FANCC: variants seen among roughly 807,000 people sequenced by gnomAD.
FANCC encodes Fanconi anemia group C protein.
In FANCC, 55 loss-of-function variants were observed where a neutral mutation model predicts 71.3. The observed-to-expected ratio is 0.77, with a 90% CI of 0.62 to 0.97. The LOEUF (loss-of-function observed/expected upper bound fraction) is 0.97, where lower values mean the gene tolerates loss of function less well. FANCC is among the 50% of genes least tolerant of loss of function. The pLI, the probability that FANCC is intolerant of heterozygous loss-of-function variation, is 0.00. For missense variants in FANCC, 678 were observed against 670.9 expected (o/e 1.01, Z -0.12); for synonymous variants, 275 against 244.9 (o/e 1.12, Z -1.15).
chr9:95,252,858 G>A (rs2136122452), intron 1 of FANCC, among the ~76,000 whole-genome samples: 1 of 150,602 alleles, frequency 6.6e-6, no homozygotes, highest in South Asian at 2.1e-4. Context: ...AGACCAGCCT[G>A]GGCAACATAC....
chr9:95,107,432 A>T, intron 13 of FANCC, 163 bp from the exon 14 acceptor site: 1 of 733,624 alleles, frequency 1.4e-6, no homozygotes, highest in South Asian at 1.6e-5. Flanking sequence ...TTTCACACAA[A>T]CCCAAATGGG....
chr9:95,249,108 A>T lies in FANCC; in HGVS notation c.165+19T>A. 1 of 1,612,744 alleles carries T rather than the reference A, an allele frequency of 6.2e-7. No individual in the cohort carries two copies. On this transcript the variant is annotated intron_variant, in intron 2 of 14. Coordinates refer to ENST00000289081, the MANE Select transcript of FANCC (RefSeq NM_000136.3). Reference sequence around the variant, plus strand: ...CCTGAAGTCAGAAAATAATTTCATTATTCTGGTCCACTACTTACCATCTCT... The same window carrying T: ...CCTGAAGTCAGAAAATAATTTCATTTTTCTGGTCCACTACTTACCATCTCT...
intron 4 of FANCC, among the ~76,000 whole-genome samples, chr9:95,184,195 T>C (rs1826565739): frequency 6.6e-6 from 1 of 152,190 alleles, no homozygotes; most frequent in Admixed American, 6.5e-5. Context: ...TATGGCATTA[T>C]ATGTAAACAT....
chr9:95,315,903 A>T (rs150542319), intron 1 of FANCC, among the ~76,000 whole-genome samples: 3 of 152,356 alleles, frequency 2.0e-5, no homozygotes, highest in Admixed American at 2.0e-4. Flanking sequence ...GGAACTGGTT[A>T]AAAGTACCAT....
Position 95,298,296 on chromosome 9 carries a change from A to G in FANCC, c.-79+19230T>C, listed in dbSNP as rs146280385. Among the ~76,000 whole-genome samples the G allele has an allele frequency of 2.7e-3, 405 of 152,324 alleles. 2 individuals carry two copies. The highest frequency in any genetic ancestry group is 9.1e-3 in the African/African-American group (378 of 41,570). Reference sequence around the variant, plus strand: ...ATTAGAGAACTAGATGTGTTATGCCACCATACACTGAAAGGGGCAACAAAG... The same window carrying G: ...ATTAGAGAACTAGATGTGTTATGCCGCCATACACTGAAAGGGGCAACAAAG... On this transcript the variant is annotated intron_variant, in intron 1 of 14. Coordinates refer to ENST00000289081, the MANE Select transcript of FANCC (RefSeq NM_000136.3).
chr9:95,103,585 G>A (rs942137482), intron 14 of FANCC, among the ~76,000 whole-genome samples: 2 of 152,216 alleles, frequency 1.3e-5, no homozygotes, highest in African/African-American at 2.4e-5. Context: ...GCAAGTGGAC[G>A]GCTGGGGCAA....
intron 2 of FANCC, among the ~76,000 whole-genome samples, chr9:95,248,369 AC>A (rs1387151688): frequency 1.3e-5 from 2 of 152,210 alleles, no homozygotes; most frequent in Non-Finnish European, 2.9e-5. Context: ...CATTAAAAAA[AC>A]AATTCTAAAA....
chr9:95,278,245 A>G (rs908650293), intron 1 of FANCC, among the ~76,000 whole-genome samples: 4 of 152,210 alleles, frequency 2.6e-5, no homozygotes, highest in African/African-American at 9.6e-5. Flanking sequence ...AAGGAAGAGA[A>G]GGGAATAAAG....
chr9:95,300,882 G>A (rs528144824), intron 1 of FANCC, among the ~76,000 whole-genome samples: 3 of 152,224 alleles, frequency 2.0e-5, no homozygotes, highest in Middle Eastern at 3.4e-3. Flanking sequence ...AGATAACTCC[G>A]CAGCAGGCCA....
At chr9:95,120,508 G>T (rs1390888678) in intron 10 of FANCC, among the ~76,000 whole-genome samples, 1 of 151,664 alleles carries the variant, frequency 6.6e-6, no homozygotes, top group African/African-American at 2.4e-5. Flanking sequence ...TCCACGTTCT[G>T]GGCTCAAGCA....
intron 4 of FANCC, among the ~76,000 whole-genome samples, chr9:95,204,825 A>C (rs1828018109): frequency 6.6e-6 from 1 of 152,164 alleles, no homozygotes. Flanking sequence ...CTGGAGTTCC[A>C]ATCTCCTCTG....
At chr9:95,179,964 G>A (rs1447685472) in intron 4 of FANCC, among the ~76,000 whole-genome samples, 2 of 152,218 alleles carry the variant, frequency 1.3e-5, no homozygotes, top group Non-Finnish European at 2.9e-5. Flanking sequence ...CTTTGGAGAG[G>A]AAGAAGGAAG....
chr9:95,217,485 AAAAAAACAAAC>A (rs1423844025), intron 4 of FANCC, among the ~76,000 whole-genome samples: 3 of 152,164 alleles, frequency 2.0e-5, no homozygotes, highest in African/African-American at 7.2e-5. Flanking sequence ...CCATCTCAAA[AAAAAAACAAAC>A]AAAAAACACA....
At chr9:95,186,880 C>T (rs1322914317) in intron 4 of FANCC, among the ~76,000 whole-genome samples, 3 of 151,500 alleles carry the variant, frequency 2.0e-5, no homozygotes, top group Non-Finnish European at 4.4e-5. Flanking sequence ...CAACCTCTGC[C>T]TCCCGGGTTC....
chr9:95,216,355 C>A (rs1390588957), intron 4 of FANCC, among the ~76,000 whole-genome samples: 3 of 152,098 alleles, frequency 2.0e-5, no homozygotes, highest in African/African-American at 7.2e-5. Flanking sequence ...CAAAAAATGA[C>A]AGAATTGAAA....
At chr9:95,315,005 T>G (rs1347907340) in intron 1 of FANCC, among the ~76,000 whole-genome samples, 1 of 152,158 alleles carries the variant, frequency 6.6e-6, no homozygotes, top group East Asian at 1.9e-4. Flanking sequence ...CCAAAACAAT[T>G]TTGAAAATGA....
At chr9:95,188,009 A>T (rs1411165768) in intron 4 of FANCC, among the ~76,000 whole-genome samples, 1 of 152,204 alleles carries the variant, frequency 6.6e-6, no homozygotes, top group Non-Finnish European at 1.5e-5. Flanking sequence ...CTTCATGTAA[A>T]TCGCCCGGCT....
At position 95,240,644 on chromosome 9, in the gene FANCC, C is replaced by T. The variant is rs781056477; in HGVS notation, c.345+5G>A. ...AGAAGTGCAGAGCAAGATTTACTCT[C>T]TTACCTGTATCCAGGAGTTAAGTTT... On this transcript the variant is annotated splice_donor_5th_base_variant and intron_variant, in intron 4 of 14. Transcript: ENST00000289081. 1.3e-6 allele frequency: 2 copies of T among 1,594,482 alleles called. No individual in the cohort carries two copies. The highest frequency in any genetic ancestry group is 1.7e-6 in the Non-Finnish European group (2 of 1,162,270).
In FANCC at chr9:95,135,397, A is replaced by C. The variant is rs730881717; in HGVS notation, c.792T>G (p.Ser264Arg). ...MLHLFEKLIS[S>R]ERNCLRRIEC... The stretch of plus-strand genomic sequence containing the variant: ...CGATCCTTCTCAGACAATTTCTCTC[A>C]CTGGAGATTAGCTTTTCAAAAAGAT... Residue 264 changes from serine to arginine, a missense_variant, in exon 8 of 15, where the codon AGT becomes AGG. By Grantham distance (110) the Ser-to-Arg change is moderately radical (BLOSUM62 -1). Coordinates refer to ENST00000289081, the MANE Select transcript of FANCC (RefSeq NM_000136.3). 44 of 1,613,926 alleles carry C rather than the reference A, an allele frequency of 2.7e-5. No homozygotes were observed. The highest frequency in any genetic ancestry group is 3.6e-5 in the Non-Finnish European group (42 of 1,179,996).
Sources: allele counts gnomAD v4.1 joint callset (sites outside exome capture counted in the v4.1 genomes callset), GRCh38; gene constraint gnomAD v4.1.1; transcripts MANE v1.5; gene names NCBI Gene and HGNC (gene_info 2026-07-23, HGNC 2026-07-21).